Variants in GABRG3 observed in about 807,000 individuals in gnomAD.
GABRG3 encodes the protein gamma-aminobutyric acid receptor subunit gamma-3.
GABRG3 carries 25 observed loss-of-function variants against 48.8 expected under a neutral mutation model. The ratio of observed to expected loss-of-function variants is 0.51; its 90% CI spans 0.37 to 0.72. The LOEUF is 0.72. Among genes scored for constraint, GABRG3 ranks in the 30% least tolerant of loss-of-function variants. The pLI is 0.00. For synonymous variants in GABRG3, 227 were observed against 217.6 expected (o/e 1.04, Z -0.38); for missense variants, 394 against 577.9 (o/e 0.68, Z 3.26).
chr15:27,490,907 CT>C lies in GABRG3; in HGVS notation c.712+10122del, dbSNP rs1273917885. Reference sequence around the variant, plus strand: ...GCCACCACCCCCACCACCACCCCCCCTTCACACTGCTCTTGCCGCATTTCTG... The same window carrying C: ...GCCACCACCCCCACCACCACCCCCCCTCACACTGCTCTTGCCGCATTTCTG... On this transcript the variant is annotated intron_variant, in intron 6 of 9. Transcript: ENST00000615808. Among the ~76,000 whole-genome samples, 4 of 151,860 alleles carry C rather than the reference CT, an allele frequency of 2.6e-5. No homozygotes were observed. The East Asian group carries it at 5.8e-4, about 22-fold the overall frequency.
At chr15:27,450,534 A>C (rs1566846155) in intron 5 of GABRG3, among the ~76,000 whole-genome samples, 1 of 152,180 alleles carries the variant, frequency 6.6e-6, no homozygotes, top group Non-Finnish European at 1.5e-5. Flanking sequence ...AAAAAACTCA[A>C]CAAATTAGGT....
At chr15:27,355,264 G>A (rs1894797769) in intron 5 of GABRG3, among the ~76,000 whole-genome samples, 1 of 152,192 alleles carries the variant, frequency 6.6e-6, no homozygotes, top group Non-Finnish European at 1.5e-5. Flanking sequence ...TAAAGCATGT[G>A]AGTGTGCAAC....
chr15:27,053,782 G>A (rs542669515), intron 3 of GABRG3, among the ~76,000 whole-genome samples: 26 of 152,306 alleles, frequency 1.7e-4, no homozygotes, highest in South Asian at 4.1e-4. Context: ...GTGAAATACC[G>A]CGCAGCCATT....
chr15:27,175,102 T>A (rs1015719829), intron 3 of GABRG3, among the ~76,000 whole-genome samples: 1 of 152,160 alleles, frequency 6.6e-6, no homozygotes, highest in African/African-American at 2.4e-5. Flanking sequence ...TTTGCTGTTG[T>A]GAGGTCTCCC....
chr15:27,034,820 T>C (rs1896147752), intron 3 of GABRG3, among the ~76,000 whole-genome samples: 1 of 152,234 alleles, frequency 6.6e-6, no homozygotes, highest in African/African-American at 2.4e-5. Flanking sequence ...CGTGCATGCC[T>C]GCTAGTCTGT....
At position 27,101,092 on chromosome 15, in the gene GABRG3, A is replaced by T. The variant is rs550695706; in HGVS notation, c.270+74271A>T. 9.2e-5 allele frequency among the ~76,000 whole-genome samples: 14 copies of T among 152,344 alleles called. No homozygotes were observed. In the East Asian group the frequency reaches 2.5e-3, roughly 27 times the overall value. The stretch of plus-strand genomic sequence containing the variant: ...AAGGAATCTACCAGATAATCCTAGG[A>T]CTTGTGAGTTCAGCAAGGTCTCTGG... On this transcript the variant is annotated intron_variant, in intron 3 of 9. Coordinates refer to ENST00000615808, the MANE Select transcript of GABRG3 (RefSeq NM_033223.5).
chr15:26,990,160 C>G (rs544493225), intron 2 of GABRG3, among the ~76,000 whole-genome samples: 7 of 152,152 alleles, frequency 4.6e-5, no homozygotes, highest in Admixed American at 3.9e-4. Context: ...ATTGCTGGAT[C>G]ATATGGCAGC....
chr15:27,127,768 A>C (rs186844268), intron 3 of GABRG3, among the ~76,000 whole-genome samples: 1 of 151,940 alleles, frequency 6.6e-6, no homozygotes, highest in Non-Finnish European at 1.5e-5. Context: ...CTCATACTTC[A>C]TCTATATTTT....
At chr15:27,156,298 C>CAAAAAAAAAAA (rs34055206) in intron 3 of GABRG3, among the ~76,000 whole-genome samples, 4 of 78,118 alleles carry the variant, frequency 5.1e-5, no homozygotes, top group East Asian at 4.1e-4. Flanking sequence ...CACTCTGTCT[C>CAAAAAAAAAAA]AAAAAAAAAA....
chr15:27,499,504 ACTC>A (rs1890568027), intron 6 of GABRG3, among the ~76,000 whole-genome samples: 1 of 152,178 alleles, frequency 6.6e-6, no homozygotes, highest in African/African-American at 2.4e-5. Context: ...TCAGCAGCCA[ACTC>A]CCTTTTGATA....
rs1013179889 is a variant in GABRG3, at chr15:27,540,153, C to T, written c.*7272C>T. ...ACTCCAAAATTTTGCTCGCCTAAAA[C>T]ATTTCCAGAACTGCTGTGTTCCCCA... On this transcript the variant is annotated 3_prime_UTR_variant, in exon 10 of 10. Transcript: ENST00000615808. 1 of 152,194 alleles carries T rather than the reference C, an allele frequency of 6.6e-6. No homozygotes were observed. The highest frequency in any genetic ancestry group is 1.5e-5 in the Non-Finnish European group (1 of 68,030). The allele number at this position is 152,194 out of a possible 1,614,324, so 9.4% of individuals were successfully genotyped here.
chr15:27,114,088 A>T (rs1214177149), intron 3 of GABRG3, among the ~76,000 whole-genome samples: 2 of 152,264 alleles, frequency 1.3e-5, no homozygotes, highest in East Asian at 1.9e-4. Flanking sequence ...TATTTCCAAG[A>T]CCTTTGGATA....
rs111217819 is a variant in GABRG3, at chr15:27,308,290, T to C, written c.271-18519T>C. ...TAAACATAATATAAACATACGTTTA[T>C]ATATAAACATCATATAAACATATAT... On this transcript the variant is annotated intron_variant, in intron 3 of 9. Transcript: ENST00000615808. Among the ~76,000 whole-genome samples, 2 of 135,770 alleles carry C rather than the reference T, an allele frequency of 1.5e-5. 1 individual carries two copies. Among genetic ancestry groups the C allele is most frequent in the African/African-American group, 6.1e-5 (2 of 32,832 alleles). The allele number at this position is 135,770 out of a possible 152,430, so 89.1% of individuals were successfully genotyped here. A position where few individuals can be genotyped will look rare whatever the true frequency, so the allele number is the denominator to read the frequency against.
intron 3 of GABRG3, among the ~76,000 whole-genome samples, chr15:27,194,989 G>A (rs1446729721): frequency 6.6e-6 from 1 of 152,118 alleles, no homozygotes; most frequent in Non-Finnish European, 1.5e-5. Flanking sequence ...TTTAGATTAG[G>A]TAAAATAATT....
intron 3 of GABRG3, among the ~76,000 whole-genome samples, chr15:27,123,638 C>T (rs1351866762): frequency 1.3e-5 from 2 of 152,144 alleles, no homozygotes; most frequent in Non-Finnish European, 2.9e-5. Flanking sequence ...TCTAGCCCAT[C>T]GGAAAATGAT....
chr15:27,336,198 GAA>G (rs769396469), intron 5 of GABRG3, among the ~76,000 whole-genome samples: 2,442 of 129,796 alleles, frequency 0.019, 23 homozygotes, highest in African/African-American at 0.033. Context: ...TGAAAAGAAA[GAA>G]AGAAAGAAAG....
intron 3 of GABRG3, among the ~76,000 whole-genome samples, chr15:27,143,614 G>C (rs1051488059): frequency 2.6e-5 from 4 of 152,228 alleles, no homozygotes; most frequent in Admixed American, 2.0e-4. Context: ...CAACATTTGA[G>C]ATGATGCCGT....
At chr15:27,348,140 A>T (rs1894437811) in intron 5 of GABRG3, among the ~76,000 whole-genome samples, 1 of 118,894 alleles carries the variant, frequency 8.4e-6, no homozygotes, top group Non-Finnish European at 1.7e-5. Flanking sequence ...TGGGTGACAG[A>T]GCGAGACTCC....
chr15:27,134,406 C>T (rs1309423044), intron 3 of GABRG3, among the ~76,000 whole-genome samples: 1 of 152,136 alleles, frequency 6.6e-6, no homozygotes, highest in Admixed American at 6.5e-5. Flanking sequence ...GGGCAATCCC[C>T]CAAACCTCCC....
Sources: allele counts gnomAD v4.1 joint callset (sites outside exome capture counted in the v4.1 genomes callset), GRCh38; gene constraint gnomAD v4.1.1; transcripts MANE v1.5; gene names NCBI Gene and HGNC (gene_info 2026-07-23, HGNC 2026-07-21).